Variants in ZNF722 observed in about 807,000 individuals in gnomAD.
The protein encoded by ZNF722 is zinc finger protein 479 pseudogene.
the ZNF722 span, among the ~76,000 whole-genome samples, chr7:64,013,336 T>C: frequency 2.6e-5 from 4 of 152,134 alleles, no homozygotes; most frequent in Non-Finnish European, 4.4e-5. Context: ...TACATATAGA[T>C]AGACATAATA....
At chr7:63,998,901 A>C in the ZNF722 span, 2 of 1,493,970 alleles carry the variant, frequency 1.3e-6, no homozygotes, top group South Asian at 1.1e-5. Context: ...AGGGCTCTGC[A>C]TTCTCTGCTC....
chr7:64,014,919 G>C, the ZNF722 span: 1 of 843,606 alleles, frequency 1.2e-6, no homozygotes, highest in Admixed American at 2.9e-5. Flanking sequence ...GTGGTAATTT[G>C]ATATGCCATT....
the ZNF722 span, among the ~76,000 whole-genome samples, chr7:64,004,596 T>A: frequency 6.6e-6 from 1 of 151,692 alleles, no homozygotes; most frequent in African/African-American, 2.4e-5. Flanking sequence ...TGGTTCACGA[T>A]GTCTCTGACA....
At chr7:64,002,639 A>G in the ZNF722 span, among the ~76,000 whole-genome samples, 2 of 152,252 alleles carry the variant, frequency 1.3e-5, no homozygotes, top group Non-Finnish European at 2.9e-5. Flanking sequence ...AACACTTAGT[A>G]GCAACTCCCA....
chr7:64,002,973 T>A, the ZNF722 span, among the ~76,000 whole-genome samples: 1 of 152,230 alleles, frequency 6.6e-6, no homozygotes, highest in Non-Finnish European at 1.5e-5. Context: ...GAAAGCACAG[T>A]CAGCATTTAC....
the ZNF722 span, chr7:64,015,017 A>G: frequency 3.7e-5 from 48 of 1,283,134 alleles, no homozygotes; most frequent in African/African-American, 6.4e-4. Context: ...TGTGATTTTT[A>G]TGTCTTTCAG....
At chr7:63,999,442 G>T in the ZNF722 span, among the ~76,000 whole-genome samples, 1 of 152,192 alleles carries the variant, frequency 6.6e-6, no homozygotes, top group African/African-American at 2.4e-5. Flanking sequence ...TGATCAAAGT[G>T]TGATTCAAGA....
At chr7:64,004,569 T>C in the ZNF722 span, among the ~76,000 whole-genome samples, 1 of 151,248 alleles carries the variant, frequency 6.6e-6, no homozygotes, top group Non-Finnish European at 1.5e-5. Flanking sequence ...ATAAAGTTGA[T>C]AACAATTTTA....
At chr7:64,000,464 T>TTTTTTTTTTG in the ZNF722 span, among the ~76,000 whole-genome samples, 1 of 129,492 alleles carries the variant, frequency 7.7e-6, no homozygotes, top group African/African-American at 3.0e-5. Flanking sequence ...TTTTTTTTTT[T>TTTTTTTTTTG]TTTTGAGAGG....
the ZNF722 span, among the ~76,000 whole-genome samples, chr7:64,007,246 A>ATATATATATATATATATATATATATT: frequency 5.3e-3 from 768 of 145,126 alleles, 14 homozygotes; most frequent in African/African-American, 0.019. Flanking sequence ...ATATATATAT[A>ATATATATATATATATATATATATATT]TATATATATT....
the ZNF722 span, among the ~76,000 whole-genome samples, chr7:63,999,884 C>A: frequency 1.3e-5 from 2 of 151,712 alleles, no homozygotes; most frequent in East Asian, 3.9e-4. Flanking sequence ...TTAGTAGAGA[C>A]GGGGTTTCAC....
the ZNF722 span, among the ~76,000 whole-genome samples, chr7:64,001,799 A>G: frequency 6.6e-6 from 1 of 151,628 alleles, no homozygotes; most frequent in Non-Finnish European, 1.5e-5. Flanking sequence ...TTTTTATTTG[A>G]ATTATTTCTT....
the ZNF722 span, among the ~76,000 whole-genome samples, chr7:64,000,949 T>C: frequency 6.6e-6 from 1 of 151,896 alleles, no homozygotes; most frequent in African/African-American, 2.4e-5. Flanking sequence ...ACTAATTTTT[T>C]TATTTTTAGT....
chr7:63,999,682 A>C, the ZNF722 span, among the ~76,000 whole-genome samples: 16 of 152,088 alleles, frequency 1.1e-4, no homozygotes, highest in African/African-American at 3.6e-4. Flanking sequence ...CAATATAATA[A>C]TTTACAAGAA....
chr7:64,016,130 G>T, the ZNF722 span: 4 of 455,780 alleles, frequency 8.8e-6, no homozygotes, highest in African/African-American at 6.1e-5. Flanking sequence ...GAACCCAAGA[G>T]AATTTATTTA....
the ZNF722 span, among the ~76,000 whole-genome samples, chr7:64,014,351 T>A: frequency 7.9e-5 from 12 of 152,222 alleles, no homozygotes; most frequent in Admixed American, 3.3e-4. Flanking sequence ...TTATAGTTGC[T>A]TTTTGAAAAT....
At chr7:64,009,042 G>A in the ZNF722 span, among the ~76,000 whole-genome samples, 1 of 152,040 alleles carries the variant, frequency 6.6e-6, no homozygotes, top group Non-Finnish European at 1.5e-5. Flanking sequence ...TTGGCTCTCT[G>A]TTTGTCTGTT....
the ZNF722 span, chr7:64,005,884 C>A: frequency 1.2e-6 from 1 of 804,620 alleles, no homozygotes; most frequent in Non-Finnish European, 1.9e-6. Context: ...AGAACAGATT[C>A]TTCACGATGT....
the ZNF722 span, chr7:64,015,973 GA>G: frequency 7.4e-6 from 8 of 1,083,092 alleles, no homozygotes; most frequent in South Asian, 1.5e-5. Flanking sequence ...ATTTATGCTG[GA>G]AAAAAACACT....
Sources: gnomAD v4.1 joint callset for allele counts (sites outside exome capture counted in the v4.1 genomes callset) on GRCh38, gnomAD v4.1.1 for gene constraint, MANE v1.5 for transcripts, NCBI Gene and HGNC (gene_info 2026-07-23, HGNC 2026-07-21) for gene names.